OAS2: variants seen among roughly 807,000 people sequenced by gnomAD.
The protein encoded by OAS2 is 2'-5'-oligoadenylate synthase 2.
Under a neutral mutation model 71.3 loss-of-function variants are expected in OAS2, and 67 were observed. That is an observed-to-expected ratio of 0.94 (90% CI 0.77 to 1.15). The LOEUF (loss-of-function observed/expected upper bound fraction) is 1.15. Among genes scored for constraint, OAS2 ranks in the 50% most tolerant of loss-of-function variants. The pLI is 0.00. For synonymous variants in OAS2, 327 were observed against 321.8 expected (o/e 1.02, Z -0.17); for missense variants, 789 against 822.5 (o/e 0.96, Z 0.50).
chr12:113,008,074 C>G (rs1360441217), intron 9 of OAS2, 131 bp downstream of exon 9: 1 of 715,712 alleles, frequency 1.4e-6, no homozygotes, highest in Non-Finnish European at 2.5e-6. Context: ...GCCAACAGAA[C>G]CTGTCACAGT....
At position 112,995,299 on chromosome 12, in the gene OAS2, T is replaced by G; in HGVS notation, c.452T>G (p.Leu151Ter). The G allele has an allele frequency of 6.2e-7, 1 of 1,604,378 alleles. No homozygotes were observed. Among genetic ancestry groups the G allele is most frequent in the South Asian group, 1.1e-5 (1 of 88,732 alleles). The change falls in exon 3 of 10, where the codon TTA becomes TGA. Residue 151 changes from leucine (L) to a stop codon, truncating the protein, a stop_gained. Transcript: ENST00000392583. LOFTEE classifies it high-confidence loss of function. ...EVLAAFNALS[L>*]NDNPSPWIYR... ...TCCAATTTCTGTTTCACATCAGGCT[T>G]AAATGATAATCCCAGCCCCTGGATC...
chr12:112,986,351 G>C (rs2044135360), intron 1 of OAS2, among the ~76,000 whole-genome samples: 1 of 152,220 alleles, frequency 6.6e-6, no homozygotes, highest in Admixed American at 6.5e-5. Context: ...GGTAGCAGCA[G>C]TGGACTGAAC....
Position 113,010,510 on chromosome 12 carries a change from G to C in OAS2, c.*1255G>C, listed in dbSNP as rs1565999549. On this transcript the variant is annotated 3_prime_UTR_variant, in exon 10 of 10. Coordinates refer to ENST00000392583, the MANE Select transcript of OAS2 (RefSeq NM_002535.3). ...AGATCATCTGGCAATCGCTTTTAAA[G>C]ACTCGGCTCACCGTGAGAAAGAGTC... The C allele has an allele frequency of 6.2e-7, 1 of 1,609,094 alleles. No individual in the cohort carries two copies. The highest frequency in any genetic ancestry group is 1.7e-5 in the Admixed American group (1 of 59,466).
At chr12:113,004,184 G>C (rs755914680) in intron 6 of OAS2, among the ~76,000 whole-genome samples, 2 of 152,192 alleles carry the variant, frequency 1.3e-5, no homozygotes, top group Non-Finnish European at 2.9e-5. Context: ...GAGAGGAGCC[G>C]CCGAAGCCCA....
In OAS2 at chr12:112,978,736, A is replaced by T; in HGVS notation, c.128A>T (p.Asp43Val). Reference protein sequence around the residue: ...LIDEMVNTICDVLQEPEQFPL... With the variant: ...LIDEMVNTICVVLQEPEQFPL... The stretch of plus-strand genomic sequence containing the variant: ...GACGAGATGGTGAACACCATCTGTG[A>T]CGTCCTGCAGGAACCCGAACAGTTC... Residue 43 changes from aspartate (D) to valine (V), a missense_variant, in exon 1 of 10, where the codon GAC (aspartate) becomes GTC (valine). By Grantham distance (152) the Asp-to-Val change is radical. Transcript: ENST00000392583. The surrounding 1 kb of genome is among the most constrained non-coding windows in gnomAD (Gnocchi z 4.2). 1 of 1,614,116 alleles carries T rather than the reference A, an allele frequency of 6.2e-7. No homozygotes were observed. The highest frequency in any genetic ancestry group is 1.1e-5 in the South Asian group (1 of 91,070).
intron 6 of OAS2, among the ~76,000 whole-genome samples, chr12:113,003,594 C>T (rs1269418889): frequency 2.0e-5 from 3 of 152,166 alleles, no homozygotes; most frequent in African/African-American, 7.2e-5. Context: ...GAACCCACTG[C>T]AGATTCTAAG....
Position 112,987,236 on chromosome 12 carries a change from G to A in OAS2, c.376G>A (p.Gly126Arg), listed in dbSNP as rs777809048. 3 of 1,614,072 alleles carry A rather than the reference G, an allele frequency of 1.9e-6. No homozygotes were observed. The highest frequency in any genetic ancestry group is 2.7e-5 in the African/African-American group (2 of 74,918). ...NNFEIQKSLD[G>R]FTIQVFTKNQ... ...TTTCGAGATCCAGAAGTCCCTTGAT[G>A]GGTTCACCATCCAGGTGTTCACAAA... Residue 126 changes from glycine (G) to arginine (R), a missense_variant, in exon 2 of 10, where the codon GGG becomes AGG. Physicochemically the swap from Gly to Arg is moderately radical, Grantham distance 125 (BLOSUM62 -2). Transcript: ENST00000392583.
intron 9 of OAS2, 79 bp from the exon 10 acceptor site, chr12:113,009,008 A>T: frequency 6.5e-7 from 1 of 1,535,584 alleles, no homozygotes; most frequent in Non-Finnish European, 8.7e-7. Context: ...CTTATTGCTG[A>T]AAGTATTATA....
chr12:113,008,773 C>T (rs929350691), intron 9 of OAS2, among the ~76,000 whole-genome samples: 11 of 152,062 alleles, frequency 7.2e-5, no homozygotes, highest in South Asian at 4.1e-4. Context: ...ACTACAGGTG[C>T]GCACCACCAC....
chr12:112,992,894 C>A (rs2044203803), intron 2 of OAS2, among the ~76,000 whole-genome samples: 1 of 152,136 alleles, frequency 6.6e-6, no homozygotes, highest in South Asian at 2.1e-4. Flanking sequence ...GTCCTCTCTT[C>A]CTGTTCCAAG....
chr12:112,988,455 G>T, intron 2 of OAS2: 1 of 373,340 alleles, frequency 2.7e-6, no homozygotes, highest in Non-Finnish European at 3.7e-6. Flanking sequence ...TTATTTGAAC[G>T]AGATTTGAAC....
At chr12:112,994,530 G>T (rs541872186) in intron 2 of OAS2, among the ~76,000 whole-genome samples, 1 of 152,048 alleles carries the variant, frequency 6.6e-6, no homozygotes, top group Non-Finnish European at 1.5e-5. Flanking sequence ...CAAGGAGTTC[G>T]CATGCCTTAG....
rs532926986 is a variant in OAS2 at position 112,979,546 on chromosome 12, A to C, written c.177+761A>C. Among the ~76,000 whole-genome samples the C allele has an allele frequency of 1.1e-4, 17 of 152,328 alleles. No individual in the cohort carries two copies. The South Asian group carries it at 3.5e-3, about 32-fold the overall frequency. ...AGTTTGGTTAATAGCTATTGTCAGA[A>C]CTGGGATTTTAAGCCTGGGTAATTG... On this transcript the variant is annotated intron_variant, in intron 1 of 9. Transcript: ENST00000392583.
At chr12:112,992,998 A>C (rs1182347965) in intron 2 of OAS2, among the ~76,000 whole-genome samples, 1 of 152,180 alleles carries the variant, frequency 6.6e-6, no homozygotes, top group African/African-American at 2.4e-5. Context: ...TCTTCCCCAC[A>C]TGTGCTACCC....
Position 112,986,086 on chromosome 12 carries a change from T to A in OAS2, c.178-952T>A, listed in dbSNP as rs181760517. 3.0e-3 allele frequency among the ~76,000 whole-genome samples: 455 copies of A among 152,350 alleles called. 1 individual carries two copies. The highest frequency in any genetic ancestry group is 0.01 in the African/African-American group (432 of 41,586). ...CTGTGTGGGCACAGTTAGTGGAGCC[T>A]CCACATGATTTCATTAGCATCAGTG... On this transcript the variant is annotated intron_variant, in intron 1 of 9. Coordinates refer to ENST00000392583, the MANE Select transcript of OAS2 (RefSeq NM_002535.3).
chr12:112,981,564 T>G (rs1323287909), intron 1 of OAS2, among the ~76,000 whole-genome samples: 32 of 152,186 alleles, frequency 2.1e-4, no homozygotes, highest in Admixed American at 2.0e-3. Flanking sequence ...TCTGTTCCTT[T>G]GGTCTATATG....
chr12:112,984,126 C>T (rs1056848500), intron 1 of OAS2, among the ~76,000 whole-genome samples: 1 of 152,166 alleles, frequency 6.6e-6, no homozygotes, highest in African/African-American at 2.4e-5. Flanking sequence ...AGATGAAGTT[C>T]CCAGCTATTA....
Position 113,005,229 on chromosome 12 carries a change from C to G in OAS2, c.1468+7C>G. ...CCTGCCTTTAATGCACTGGGTAAGGCTCCCCAGACCTTAGCTTGGAAGTGA... is the reference window on the plus strand; with the variant it reads ...CCTGCCTTTAATGCACTGGGTAAGGGTCCCCAGACCTTAGCTTGGAAGTGA... On this transcript the variant is annotated splice_region_variant and intron_variant, in intron 7 of 9. Transcript: ENST00000392583. 2 of 1,606,166 alleles carry G rather than the reference C, an allele frequency of 1.2e-6. No homozygotes were observed. Among genetic ancestry groups the G allele is most frequent in the South Asian group, 2.2e-5 (2 of 90,732 alleles).
rs1466467906 is a variant in OAS2 at position 113,007,758 on chromosome 12, G to C, written c.1710G>C (p.Glu570Asp). The change falls in exon 9 of 10, where the codon GAG becomes GAC. Residue 570 changes from glutamate to aspartate, a missense_variant. Transcript: ENST00000392583. Reference sequence around the variant, plus strand: ...CTTTGCCCCCAAAGTATGCCTTGGAGCTGCTCACCATCTATGCCTGGGAGC... The same window carrying C: ...CTTTGCCCCCAAAGTATGCCTTGGACCTGCTCACCATCTATGCCTGGGAGC... ...KGSLPPKYAL[E>D]LLTIYAWEQG... 9.3e-6 allele frequency: 15 copies of C among 1,614,048 alleles called. No homozygotes were observed. The highest frequency in any genetic ancestry group is 1.3e-5 in the African/African-American group (1 of 74,932).
Sources: gnomAD v4.1 joint callset for allele counts (sites outside exome capture counted in the v4.1 genomes callset) on GRCh38, gnomAD v4.1.1 for gene constraint, Gnocchi (gnomAD v3.1) non-coding constraint, MANE v1.5 for transcripts, NCBI Gene and HGNC (gene_info 2026-07-23, HGNC 2026-07-21) for gene names.